The following SLC7A9 variants were observed in gnomAD, a reference collection of about 807,000 sequenced individuals.
SLC7A9 encodes the protein B(0,+)-type amino acid transporter 1.
Under a neutral mutation model 54.1 loss-of-function variants are expected in SLC7A9, and 38 were observed. The observed-to-expected ratio is 0.70, with a 90% CI of 0.54 to 0.92. The LOEUF (loss-of-function observed/expected upper bound fraction) is 0.92. Ranked by LOEUF, SLC7A9 falls within the 40% of genes least tolerant of loss-of-function variation. The probability of loss-of-function intolerance (pLI) is 0.00; values close to 1 mark genes in which losing one functional copy is unlikely to be tolerated. For synonymous variants in SLC7A9, 264 were observed against 258.9 expected (o/e 1.02, Z -0.19); for missense variants, 537 against 636.1 (o/e 0.84, Z 1.68).
chr19:32,855,059 C>T (rs1363036891), intron 9 of SLC7A9, among the ~76,000 whole-genome samples: 1 of 152,122 alleles, frequency 6.6e-6, no homozygotes, highest in Non-Finnish European at 1.5e-5. Flanking sequence ...AAGTGTCCAT[C>T]ACAGATGAAT....
Position 32,830,605 on chromosome 19 carries a change from AAG to A in SLC7A9, c.*13_*14del. On this transcript the variant is annotated 3_prime_UTR_variant, in exon 13 of 13. Coordinates refer to ENST00000023064, the MANE Select transcript of SLC7A9 (RefSeq NM_014270.5). ...AAATAAATTCAGCTGACTTGGCTAC[AAG>A]AGACGGAGCTTGTTACTCAGGGTCT... 1.9e-6 allele frequency: 3 copies of A among 1,605,116 alleles called. No homozygotes were observed. The East Asian group carries it at 6.7e-5, about 36-fold the overall frequency.
At chr19:32,851,785 C>T (rs1411208515) in intron 9 of SLC7A9, among the ~76,000 whole-genome samples, 1 of 152,066 alleles carries the variant, frequency 6.6e-6, no homozygotes, top group African/African-American at 2.4e-5. Context: ...TGTCCAACAA[C>T]AATAGACTGG....
chr19:32,830,687 G>GAAAT lies in SLC7A9; in HGVS notation c.1400-7_1400-4dup, dbSNP rs1967754460. On this transcript the variant is annotated splice_polypyrimidine_tract_variant and splice_region_variant and intron_variant, in intron 12 of 12. Coordinates refer to ENST00000023064, the MANE Select transcript of SLC7A9 (RefSeq NM_014270.5). ...CTGAAGGTGCATGGTAATCGGCTCT[G>GAAAT]AAATAAGAGTCAAAAATGAGTACAG... is the stretch of plus-strand genomic sequence containing the variant. The GAAAT allele has an allele frequency of 3.7e-6, 6 of 1,613,282 alleles. No individual in the cohort carries two copies. Among genetic ancestry groups the GAAAT allele is most frequent in the Non-Finnish European group, 5.1e-6 (6 of 1,179,232 alleles).
chr19:32,864,453 C>G lies in SLC7A9; in HGVS notation c.236-115G>C, dbSNP rs986923699. The G allele has an allele frequency of 7.8e-6, 12 of 1,535,032 alleles. No homozygotes were observed. In the African/African-American group the frequency reaches 1.1e-4, roughly 14 times the overall value. ...TATGGAGGGGCCCACCGTGGTCCGC[C>G]CTCGCTGGACGGCCCTGAGCTCCAG... On this transcript the variant is annotated intron_variant, in intron 3 of 12. Coordinates refer to ENST00000023064, the MANE Select transcript of SLC7A9 (RefSeq NM_014270.5).
intron 3 of SLC7A9, 72 bp from the exon 4 acceptor site, chr19:32,864,410 C>T (rs1968900547): frequency 6.2e-7 from 1 of 1,600,654 alleles, no homozygotes; most frequent in African/African-American, 1.3e-5. Flanking sequence ...GCCTTCCTCC[C>T]ACCGGAGGCT....
chr19:32,858,504 C>T lies in SLC7A9; in HGVS notation c.913G>A (p.Val305Ile), dbSNP rs762878414. 11 of 1,613,356 alleles carry T rather than the reference C, an allele frequency of 6.8e-6. No individual in the cohort carries two copies. Among genetic ancestry groups the T allele is most frequent in the East Asian group, 4.5e-5 (2 of 44,870 alleles). Reference sequence around the variant, plus strand: ...GTTGAAAATGCCACAAAAAGTGGAACGATCCAAGAAGCAGGATAGAGAACA... The same window carrying T: ...GTTGAAAATGCCACAAAAAGTGGAATGATCCAAGAAGCAGGATAGAGAACA... ...DRVLYPASWI[V>I]PLFVAFSTIG... is the part of the protein sequence containing the mutation. Residue 305 changes from valine (V) to isoleucine (I), a missense_variant, in exon 9 of 13, where the codon GTT (valine) becomes ATT (isoleucine). Val to Ile is a conservative substitution (Grantham distance 29). Transcript: ENST00000023064.
chr19:32,860,026 G>T, intron 7 of SLC7A9, 62 bp from the exon 8 acceptor site: 1 of 1,613,216 alleles, frequency 6.2e-7, no homozygotes, highest in South Asian at 1.1e-5. Context: ...GAAGATGGAC[G>T]CCCTCCCTGA....
chr19:32,858,941 A>T (rs957664316), intron 8 of SLC7A9, among the ~76,000 whole-genome samples: 1 of 151,672 alleles, frequency 6.6e-6, no homozygotes, highest in African/African-American at 2.4e-5. Flanking sequence ...GGCGCATGCC[A>T]CCACATTCAG....
chr19:32,863,997 TC>T (rs1239855958), intron 4 of SLC7A9, 98 bp downstream of exon 4: 1 of 1,576,194 alleles, frequency 6.3e-7, no homozygotes, highest in African/African-American at 1.3e-5. Context: ...CTGCCTGGGC[TC>T]TCACCAGAGA....
chr19:32,854,116 GA>G (rs1568524060), intron 9 of SLC7A9, among the ~76,000 whole-genome samples: 4 of 151,216 alleles, frequency 2.6e-5, no homozygotes, highest in Non-Finnish European at 4.4e-5. Context: ...GGGCTCACAC[GA>G]TCCTCCCACC....
intron 2 of SLC7A9, among the ~76,000 whole-genome samples, chr19:32,865,388 C>G (rs146270120): frequency 6.6e-6 from 1 of 152,214 alleles, no homozygotes; most frequent in Non-Finnish European, 1.5e-5. Flanking sequence ...ACTGCAGCCT[C>G]GAACTCCTGG....
chr19:32,860,153 A>G, intron 7 of SLC7A9, 189 bp from the exon 8 acceptor site: 1 of 1,524,454 alleles, frequency 6.6e-7, no homozygotes, highest in South Asian at 1.2e-5. Context: ...AACTGTTTAT[A>G]AAGCAAAATA....
chr19:32,862,610 G>T lies in SLC7A9; in HGVS notation c.479-24C>A, dbSNP rs367632745. 1.4e-5 allele frequency: 22 copies of T among 1,612,616 alleles called. No homozygotes were observed. The South Asian group carries it at 2.1e-4, about 15-fold the overall frequency. ...CACTGGAAGGGTGGGGACAGTTTCT[G>T]CATTTATGGTTTTCAGCAAAGCCCT... On this transcript the variant is annotated intron_variant, in intron 4 of 12. Transcript: ENST00000023064.
intron 1 of SLC7A9, 94 bp from the exon 2 acceptor site, chr19:32,868,739 T>A (rs1278524565): frequency 1.6e-6 from 1 of 636,926 alleles, no homozygotes; most frequent in African/African-American, 1.8e-5. Context: ...AAGTCAGTCA[T>A]TAACATTGTC....
intron 9 of SLC7A9, among the ~76,000 whole-genome samples, chr19:32,852,006 C>T (rs1443119882): frequency 6.6e-6 from 1 of 151,762 alleles, no homozygotes; most frequent in Non-Finnish European, 1.5e-5. Context: ...GAACATCACA[C>T]TCCGGGGACT....
rs1455899628 is a variant in SLC7A9 at position 32,862,501 on chromosome 19, C to T, written c.564G>A (p.Val188=). 3.7e-6 allele frequency: 6 copies of T among 1,613,568 alleles called. No individual in the cohort carries two copies. The highest frequency in any genetic ancestry group is 5.1e-6 in the Non-Finnish European group (6 of 1,180,020). The change falls in exon 5 of 13, where the codon GTG becomes GTA. Residue 188 remains valine, a synonymous_variant. Transcript: ENST00000023064. ...NIFTAAKLVI[V]AIIIISGLVL... is the part of the protein sequence containing the mutation. ...CCAGCCCGCTGATGATGATGATGGC[C>T]ACGATCACCAGCTTGGCCGCGGTGA...
chr19:32,856,384 T>C (rs948279713), intron 9 of SLC7A9, among the ~76,000 whole-genome samples: 5 of 151,974 alleles, frequency 3.3e-5, no homozygotes, highest in African/African-American at 9.7e-5. Flanking sequence ...TTAGTAGAGA[T>C]AGGGTTTCAC....
intron 11 of SLC7A9, among the ~76,000 whole-genome samples, chr19:32,839,059 A>C (rs1262312996): frequency 6.6e-6 from 1 of 152,132 alleles, no homozygotes; most frequent in African/African-American, 2.4e-5. Flanking sequence ...CTTGTCTGGC[A>C]TACTTTCCTC....
chr19:32,866,850 G>A (rs1968985851), intron 2 of SLC7A9, among the ~76,000 whole-genome samples: 2 of 152,176 alleles, frequency 1.3e-5, no homozygotes, highest in Non-Finnish European at 2.9e-5. Context: ...CGGAGGCCCT[G>A]CCCACACCTC....
Sources: allele counts gnomAD v4.1 joint callset (sites outside exome capture counted in the v4.1 genomes callset), GRCh38; gene constraint gnomAD v4.1.1; transcripts MANE v1.5; gene names NCBI Gene and HGNC (gene_info 2026-07-23, HGNC 2026-07-21).